CTCFL: variants seen among roughly 807,000 people sequenced by gnomAD.
The protein encoded by CTCFL is transcriptional repressor CTCFL.
Under a neutral mutation model 67.4 loss-of-function variants are expected in CTCFL, and 36 were observed. That is an observed-to-expected ratio of 0.53 (90% CI 0.41 to 0.71). The LOEUF (loss-of-function observed/expected upper bound fraction) is 0.71, where lower values mean the gene tolerates loss of function less well. Ranked by LOEUF, CTCFL falls within the 30% of genes least tolerant of loss-of-function variation. CTCFL has a pLI of 0.00. For synonymous variants in CTCFL, 324 were observed against 302.3 expected (o/e 1.07, Z -0.75); for missense variants, 786 against 835.2 (o/e 0.94, Z 0.73).
chr20:57,518,868 C>T lies in CTCFL; in HGVS notation c.949G>A (p.Asp317Asn), dbSNP rs143392924. ...HTGTRPYKCNDCNMAFVTSGE... is the reference protein window; with the variant it reads ...HTGTRPYKCNNCNMAFVTSGE... ...CTGGTGACAAATGCCATGTTGCAGT[C>T]GTTACACTTGTAGGGCCTGGTTCCT... The change falls in exon 5 of 11, where the codon GAC becomes AAC. Residue 317 changes from aspartate to asparagine, a missense_variant. By Grantham distance (23) the Asp-to-Asn change is conservative (BLOSUM62 1). This residue lies in a region of CTCFL where 254 missense variants were observed against 333.9 expected (regional missense o/e 0.76). Transcript: ENST00000243914. 8 of 1,613,822 alleles carry T rather than the reference C, an allele frequency of 5.0e-6. No individual in the cohort carries two copies. Among genetic ancestry groups the T allele is most frequent in the African/African-American group, 1.3e-5 (1 of 75,038 alleles).
chr20:57,514,540 T>A, intron 7 of CTCFL, 52 bp downstream of exon 7: 2 of 1,600,390 alleles, frequency 1.2e-6, no homozygotes, highest in Non-Finnish European at 1.7e-6. Flanking sequence ...AGGACCACGC[T>A]CCAAAGAGCC....
At chr20:57,520,006 G>T (rs1393356818) in intron 3 of CTCFL, among the ~76,000 whole-genome samples, 1 of 152,190 alleles carries the variant, frequency 6.6e-6, no homozygotes, top group Non-Finnish European at 1.5e-5. Context: ...ACTGAACAGG[G>T]CAGATAAAGA....
At chr20:57,501,017 C>G (rs1307924886) in intron 10 of CTCFL, among the ~76,000 whole-genome samples, 1 of 152,206 alleles carries the variant, frequency 6.6e-6, no homozygotes, top group Non-Finnish European at 1.5e-5. Flanking sequence ...GTAGCCCGGC[C>G]TTGGGTTTCT....
At chr20:57,524,838 G>A (rs1026572797) in intron 1 of CTCFL, 190 bp downstream of exon 1, 55 of 839,426 alleles carry the variant, frequency 6.6e-5, no homozygotes, top group East Asian at 2.5e-4. Context: ...ACACTCCCTC[G>A]GAGGCCTGGC....
chr20:57,522,364 G>A (rs2069444383), intron 3 of CTCFL, among the ~76,000 whole-genome samples: 1 of 152,202 alleles, frequency 6.6e-6, no homozygotes, highest in African/African-American at 2.4e-5. Context: ...TTAAATAAGT[G>A]AGAAACTAAT....
chr20:57,520,666 AAAC>A (rs1357154710), intron 3 of CTCFL, among the ~76,000 whole-genome samples: 7 of 152,238 alleles, frequency 4.6e-5, no homozygotes, highest in Admixed American at 3.3e-4. Context: ...ATGATGAAAA[AAAC>A]AACAACACAA....
intron 5 of CTCFL, among the ~76,000 whole-genome samples, chr20:57,517,269 T>TCCCCA (rs2068995127): frequency 6.7e-6 from 1 of 149,340 alleles, no homozygotes; most frequent in Admixed American, 6.7e-5. Flanking sequence ...GGGAGGACAA[T>TCCCCA]GGGAGTTCAA....
intron 9 of CTCFL, 140 bp from the exon 10 acceptor site, chr20:57,503,741 C>T: frequency 1.2e-6 from 1 of 809,370 alleles, no homozygotes; most frequent in Non-Finnish European, 1.9e-6. Flanking sequence ...ACCTCGCTAG[C>T]CCTAAGAAGT....
intron 9 of CTCFL, chr20:57,507,142 C>A: frequency 2.8e-6 from 2 of 721,634 alleles, no homozygotes; most frequent in Non-Finnish European, 3.4e-6. Flanking sequence ...TCATTCCCCA[C>A]TCGAGTGTGG....
Position 57,508,718 on chromosome 20 carries a change from T to C in CTCFL, c.1562A>G (p.Lys521Arg). ...EKPFTCLSCN[K>R]CFRQKQLLNA... ...TAGAAGTTGCTTCTGTCGGAAACAT[T>C]TATTGCAAGAAAGGCAGGTGAATGG... Residue 521 changes from lysine to arginine, a missense_variant, in exon 9 of 11, where the codon AAA becomes AGA. Physicochemically the swap from Lys to Arg is conservative, Grantham distance 26. This residue lies in a region of CTCFL where 199 missense variants were observed against 196.7 expected (regional missense o/e 1.01). Coordinates refer to ENST00000243914, the MANE Select transcript of CTCFL (RefSeq NM_001386993.1). 1 of 1,614,154 alleles carries C rather than the reference T, an allele frequency of 6.2e-7. No individual in the cohort carries two copies.
chr20:57,520,872 C>T (rs1256952928), intron 3 of CTCFL, among the ~76,000 whole-genome samples: 1 of 152,134 alleles, frequency 6.6e-6, no homozygotes, highest in Admixed American at 6.5e-5. Context: ...TGCAATCAAG[C>T]TAAGCTGAGG....
chr20:57,515,806 G>A lies in CTCFL; in HGVS notation c.1088C>T (p.Ser363Phe). The change falls in exon 6 of 11, where the codon TCC (serine) becomes TTC (phenylalanine). Residue 363 changes from serine to phenylalanine, a missense_variant. Physicochemically the swap from Ser to Phe is radical, Grantham distance 155. Transcript: ENST00000243914. The part of the protein sequence containing the change: ...EASKLKRHVR[S>F]HTGERPFQCC... ...CTGAAAGGGGCGCTCCCCAGTGTGG[G>A]ATCGGACATGGCGCTTCAATTTACT... 6.2e-7 allele frequency: 1 copy of A among 1,613,688 alleles called. No individual in the cohort carries two copies. The highest frequency in any genetic ancestry group is 8.5e-7 in the Non-Finnish European group (1 of 1,179,880).
rs1435565699 is a variant in CTCFL, at chr20:57,498,611, A to T, written c.1931T>A (p.Val644Asp). 6.2e-7 allele frequency: 1 copy of T among 1,613,738 alleles called. No individual in the cohort carries two copies. Among genetic ancestry groups the T allele is most frequent in the Admixed American group, 1.7e-5 (1 of 59,978 alleles). The change falls in exon 11 of 11, where the codon GTC (valine) becomes GAC (aspartate). Residue 644 changes from valine (V) to aspartate (D), a missense_variant. This residue lies in a region of CTCFL where 199 missense variants were observed against 196.7 expected (regional missense o/e 1.01). Transcript: ENST00000243914. The part of the protein sequence containing the change: ...PVACRETTAR[V>D]KEEVDEGVTC... ...CACGCCTTCATCCACTTCCTCTTTG[A>T]CTCTGGCTGTGGTTTCTCTGCAGGC...
At position 57,523,864 on chromosome 20, in the gene CTCFL, C is replaced by G. The variant is rs2069607689; in HGVS notation, c.342G>C (p.Gln114His). 3 of 1,613,114 alleles carry G rather than the reference C, an allele frequency of 1.9e-6. No homozygotes were observed. Among genetic ancestry groups the G allele is most frequent in the South Asian group, 2.2e-5 (2 of 91,090 alleles). ...CAAGCCACAGCAACCCAGGGCCAGG[C>G]TGTTGCACCACCACCTGCACCCCTT... ...QQEGVQVVVQ[Q>H]PGPGLLWLEE... Residue 114 changes from glutamine (Q) to histidine (H), a missense_variant, in exon 2 of 11, where the codon CAG becomes CAC. Gln to His is a conservative substitution (Grantham distance 24). Around this residue, in one of 3 missense-constraint regions of CTCFL, gnomAD observed 333 missense variants for 304.6 expected, o/e 1.09. Transcript: ENST00000243914.
intron 5 of CTCFL, 81 bp downstream of exon 5, chr20:57,518,677 A>C: frequency 6.2e-7 from 1 of 1,607,034 alleles, no homozygotes; most frequent in South Asian, 1.1e-5. Context: ...AACAGATTCT[A>C]CTGTTAGTTA....
At chr20:57,496,165 G>C (rs1005922953), downstream of CTCFL, 9 of 447,196 alleles carry the variant, frequency 2.0e-5, no homozygotes, top group African/African-American at 1.8e-4. Flanking sequence ...CCATCCGCTT[G>C]GTGCTGTCCT....
At position 57,498,294 on chromosome 20, in the gene CTCFL, T is replaced by C; in HGVS notation, c.*256A>G. On this transcript the variant is annotated 3_prime_UTR_variant, in exon 11 of 11. Coordinates refer to ENST00000243914, the MANE Select transcript of CTCFL (RefSeq NM_001386993.1). ...TTATAAAATACCTGCAATGTTTCTT[T>C]GAAATATCCAGCTACAAACAGGAGA... 8.8e-7 allele frequency: 1 copy of C among 1,138,754 alleles called. No homozygotes were observed. Among genetic ancestry groups the C allele is most frequent in the Non-Finnish European group, 1.1e-6 (1 of 927,922 alleles). The allele number at this position is 1,138,754 out of a possible 1,614,324, so 70.5% of individuals were successfully genotyped here.
chr20:57,516,452 G>A (rs1374290688), intron 5 of CTCFL, among the ~76,000 whole-genome samples: 3 of 152,080 alleles, frequency 2.0e-5, no homozygotes. Context: ...TGGCAGGACT[G>A]TTTGAGCCTG....
intron 3 of CTCFL, among the ~76,000 whole-genome samples, chr20:57,520,396 A>G (rs1259320290): frequency 6.6e-6 from 1 of 152,236 alleles, no homozygotes; most frequent in Non-Finnish European, 1.5e-5. Flanking sequence ...AATACAGAAT[A>G]TAGCTGAGTT....
Sources: allele counts gnomAD v4.1 joint callset (sites outside exome capture counted in the v4.1 genomes callset), GRCh38; gene constraint gnomAD v4.1.1; regional missense constraint gnomAD v4.1.1; transcripts MANE v1.5; gene names NCBI Gene and HGNC (gene_info 2026-07-23, HGNC 2026-07-21).